Variants in NBEA observed in about 807,000 individuals in gnomAD.
The protein encoded by NBEA is neurobeachin, also known as lysosomal-trafficking regulator 2.
NBEA carries 44 observed loss-of-function variants against 343.4 expected under a neutral mutation model. The ratio of observed to expected loss-of-function variants is 0.13; its 90% CI spans 0.10 to 0.16. The LOEUF is 0.16. NBEA is among the 10% of genes least tolerant of loss of function. The pLI is 1.00. For missense variants in NBEA, 2,555 were observed against 3,631.3 expected, an observed-to-expected ratio of 0.70 and a Z score of 7.62; for synonymous variants, 1,175 against 1,238.7, an observed-to-expected ratio of 0.95 and a Z score of 1.08.
chr13:35,496,372 C>G (rs2076674371), intron 41 of NBEA, among the ~76,000 whole-genome samples: 1 of 151,776 alleles, frequency 6.6e-6, no homozygotes, highest in South Asian at 2.1e-4. Context: ...TGGGGGCTCA[C>G]TCATATAATC....
chr13:35,549,873 G>A (rs987779661), intron 41 of NBEA, among the ~76,000 whole-genome samples: 1 of 152,186 alleles, frequency 6.6e-6, no homozygotes, highest in African/African-American at 2.4e-5. Context: ...GCCAAATTCA[G>A]CTCATACTTG....
chr13:35,252,748 C>G (rs1457638662), intron 34 of NBEA, among the ~76,000 whole-genome samples: 2 of 152,114 alleles, frequency 1.3e-5, no homozygotes, highest in East Asian at 3.8e-4. Flanking sequence ...GTCTCTTACC[C>G]TAAGAGTGGT....
intron 41 of NBEA, among the ~76,000 whole-genome samples, chr13:35,483,380 T>C (rs1433426110): frequency 2.0e-5 from 3 of 152,004 alleles, no homozygotes; most frequent in Non-Finnish European, 4.4e-5. Flanking sequence ...ATTTTTACTT[T>C]ACATTTTCAG....
chr13:35,629,657 T>G (rs1337134782), intron 49 of NBEA, among the ~76,000 whole-genome samples: 1 of 152,172 alleles, frequency 6.6e-6, no homozygotes, highest in Non-Finnish European at 1.5e-5. Context: ...GCTGGTGAAA[T>G]AAGGAATTTT....
At position 35,475,408 on chromosome 13, in the gene NBEA, C is replaced by T. The variant is rs45556438; in HGVS notation, c.6585+2872C>T. The stretch of plus-strand genomic sequence containing the variant: ...GGAGAGGCACTTCTTTCTGCAGCCC[C>T]CCATCTGCAGTCTGTTCTCTGCCTC... On this transcript the variant is annotated intron_variant, in intron 41 of 58. Transcript: ENST00000379939. The T allele has an allele frequency of 7.4e-6, 12 of 1,613,612 alleles. No homozygotes were observed. The highest frequency in any genetic ancestry group is 1.1e-5 in the South Asian group (1 of 91,052).
chr13:35,066,657 AAT>A (rs2063664204), intron 8 of NBEA, among the ~76,000 whole-genome samples: 1 of 151,658 alleles, frequency 6.6e-6, no homozygotes, highest in African/African-American at 2.4e-5. Flanking sequence ...ATTTACTTTA[AAT>A]ATGTTTTTAT....
chr13:35,156,138 G>A lies in NBEA; in HGVS notation c.2583G>A (p.Leu861=). 6.3e-7 allele frequency: 1 copy of A among 1,593,130 alleles called. No homozygotes were observed. The highest frequency in any genetic ancestry group is 1.2e-5 in the South Asian group (1 of 86,666). Residue 861 remains leucine (L), a synonymous_variant, in exon 20 of 59, where the codon CTG becomes CTA. Coordinates refer to ENST00000379939, the MANE Select transcript of NBEA (RefSeq NM_001385012.1). ...LLKNSTPSAE[L]MEVRRLFLSD... ...AAAACTCTACACCAAGTGCAGAGCT[G>A]ATGGAAGTTCGTCGTTTATTTTTAT... is the stretch of plus-strand genomic sequence containing the variant.
chr13:35,550,622 AATGTGCTCAT>A lies in NBEA; in HGVS notation c.6703+31_6703+40del, dbSNP rs2079272316. 5 of 1,389,624 alleles carry A rather than the reference AATGTGCTCAT, an allele frequency of 3.6e-6. No homozygotes were observed. The East Asian group carries it at 1.1e-4, about 32-fold the overall frequency. 86.1% of individuals were successfully genotyped at this position (1,389,624 alleles called of 1,614,324 possible). A position where few individuals can be genotyped will look rare whatever the true frequency, so the allele number is the denominator to read the frequency against. ...AAGTCCCCTTAATATTTTGAAAGAA[AATGTGCTCAT>A]ATTTACATATTATTCATTTACATGG... On this transcript the variant is annotated intron_variant, in intron 42 of 58. Transcript: ENST00000379939.
At chr13:35,290,329 C>T (rs1328692716) in intron 34 of NBEA, 60 bp from the exon 35 acceptor site, 1 of 1,061,368 alleles carries the variant, frequency 9.4e-7, no homozygotes, top group Non-Finnish European at 1.5e-6. Flanking sequence ...AATGAATTAA[C>T]TCAGAATGAT....
chr13:35,640,649 TGG>T (rs2083901638), intron 49 of NBEA, among the ~76,000 whole-genome samples: 1 of 152,142 alleles, frequency 6.6e-6, no homozygotes, highest in East Asian at 1.9e-4. Context: ...GACTAAGGAA[TGG>T]GATAATCAGG....
At chr13:35,237,139 C>T (rs948118948) in intron 34 of NBEA, among the ~76,000 whole-genome samples, 8 of 152,064 alleles carry the variant, frequency 5.3e-5, no homozygotes, top group African/African-American at 1.9e-4. Flanking sequence ...TGCCTATAGT[C>T]CCAGCTACTC....
chr13:35,491,367 C>T (rs2076493347), intron 41 of NBEA, among the ~76,000 whole-genome samples: 1 of 151,926 alleles, frequency 6.6e-6, no homozygotes, highest in Admixed American at 6.6e-5. Context: ...GACCTCTCCC[C>T]TTAATTTCAA....
At chr13:35,124,644 ATG>A (rs759826717) in intron 17 of NBEA, among the ~76,000 whole-genome samples, 8 of 142,704 alleles carry the variant, frequency 5.6e-5, no homozygotes, top group Non-Finnish European at 1.2e-4. Flanking sequence ...ACACACATAT[ATG>A]GATATACACA....
At chr13:35,054,531 A>G (rs1417037152) in intron 6 of NBEA, among the ~76,000 whole-genome samples, 2 of 152,006 alleles carry the variant, frequency 1.3e-5, no homozygotes, top group African/African-American at 4.8e-5. Flanking sequence ...TGCATTTTAG[A>G]CAGTTAAATG....
At chr13:35,205,569 T>C (rs1156413489) in intron 31 of NBEA, among the ~76,000 whole-genome samples, 1 of 152,146 alleles carries the variant, frequency 6.6e-6, no homozygotes, top group Non-Finnish European at 1.5e-5. Flanking sequence ...AACTGTTCTC[T>C]TAGGGACATG....
chr13:35,279,434 T>C (rs969996078), intron 34 of NBEA, among the ~76,000 whole-genome samples: 32 of 152,324 alleles, frequency 2.1e-4, no homozygotes, highest in Admixed American at 1.9e-3. Context: ...AATTAAAAAT[T>C]AGATTCAGAC....
At chr13:35,172,091 C>T (rs1007738323) in intron 26 of NBEA, among the ~76,000 whole-genome samples, 1 of 151,870 alleles carries the variant, frequency 6.6e-6, no homozygotes, top group African/African-American at 2.4e-5. Context: ...TTTGTACTTG[C>T]CTTAGATCAT....
intron 38 of NBEA, among the ~76,000 whole-genome samples, chr13:35,415,455 T>C (rs1266765904): frequency 6.6e-6 from 1 of 152,210 alleles, no homozygotes. Context: ...TACATATGGT[T>C]AGCCAGTTTT....
intron 35 of NBEA, among the ~76,000 whole-genome samples, chr13:35,308,646 G>A (rs1394090850): frequency 1.5e-5 from 2 of 132,496 alleles, no homozygotes; most frequent in East Asian, 2.2e-4. Context: ...ATATATATAT[G>A]TATTTAAAAC....
Sources: gnomAD v4.1 joint callset for allele counts (sites outside exome capture counted in the v4.1 genomes callset) on GRCh38, gnomAD v4.1.1 for gene constraint, MANE v1.5 for transcripts, NCBI Gene and HGNC (gene_info 2026-07-23, HGNC 2026-07-21) for gene names.